PDZD2: variants seen among roughly 807,000 people sequenced by gnomAD.
The protein encoded by PDZD2 is PDZ domain containing 2, also known as PDZ domain-containing protein 2.
Under a neutral mutation model 220.7 loss-of-function variants are expected in PDZD2, and 90 were observed. The ratio of observed to expected loss-of-function variants is 0.41; its 90% confidence interval spans 0.34 to 0.49. The LOEUF is 0.49. Ranked by LOEUF, PDZD2 falls within the 20% of genes least tolerant of loss-of-function variation. PDZD2 has a pLI of 0.28. For synonymous variants in PDZD2, 1,375 were observed against 1,450.5 expected (o/e 0.95, Z 1.18); for missense variants, 3,174 against 3,608.5 (o/e 0.88, Z 3.08).
In PDZD2 at chr5:32,057,967, C is replaced by A. The variant is rs1739250178; in HGVS notation, c.2064C>A (p.Ser688Arg). The A allele has an allele frequency of 6.2e-7, 1 of 1,613,902 alleles. No individual in the cohort carries two copies. Among genetic ancestry groups the A allele is most frequent in the Non-Finnish European group, 8.5e-7 (1 of 1,179,812 alleles). The change falls in exon 12 of 25, where the codon AGC becomes AGA. Residue 688 changes from serine to arginine, a missense_variant. By Grantham distance (110) the Ser-to-Arg change is moderately radical. Transcript: ENST00000438447. The part of the protein sequence containing the change: ...LTPCSTPTHM[S>R]RSASPNFNTS... ...CCTGCTCGACACCCACACACATGAG[C>A]AGATCCGCCTCCCCGAACTTCAATA... is the stretch of plus-strand genomic sequence containing the variant.
Position 32,000,916 on chromosome 5 carries a change from G to A in PDZD2, c.1254+645G>A, listed in dbSNP as rs1166959361. On this transcript the variant is annotated intron_variant, in intron 5 of 24. Coordinates refer to ENST00000438447, the MANE Select transcript of PDZD2 (RefSeq NM_178140.4). The surrounding 1 kb of genome is among the most constrained non-coding windows in gnomAD (Gnocchi z 4.5). ...TAGGAGCTGGGCTGCGCAGCAGTAG[G>A]TGAGTGGCCTGTGAGACAGCGTTAC... 6.6e-6 allele frequency among the ~76,000 whole-genome samples: 1 copy of A among 152,242 alleles called. No individual in the cohort carries two copies. Among genetic ancestry groups the A allele is most frequent in the Non-Finnish European group, 1.5e-5 (1 of 68,048 alleles).
chr5:31,666,359 G>A (rs1255434116), intron 1 of PDZD2, among the ~76,000 whole-genome samples: 3 of 152,162 alleles, frequency 2.0e-5, no homozygotes, highest in Non-Finnish European at 2.9e-5. Flanking sequence ...TTTTAAATAC[G>A]AGAAATGAGC....
intron 18 of PDZD2, among the ~76,000 whole-genome samples, chr5:32,076,959 G>C (rs1349552133): frequency 6.6e-6 from 1 of 152,212 alleles, no homozygotes; most frequent in African/African-American, 2.4e-5. Context: ...TGATTTAACT[G>C]TTAGTTTTAG....
At position 31,892,063 on chromosome 5, in the gene PDZD2, AC is replaced by A. The variant is rs1302291823; in HGVS notation, c.477-91090del. Reference sequence around the variant, plus strand: ...GTAGCTGTGACCACAGGTGTGCACCACCATGCCTGGCTAATTTTTTTTATTT... The same window carrying A: ...GTAGCTGTGACCACAGGTGTGCACCACATGCCTGGCTAATTTTTTTTATTT... On this transcript the variant is annotated intron_variant, in intron 2 of 24. Coordinates refer to ENST00000438447, the MANE Select transcript of PDZD2 (RefSeq NM_178140.4). 4.6e-5 allele frequency among the ~76,000 whole-genome samples: 7 copies of A among 152,120 alleles called. No homozygotes were observed. The East Asian group carries it at 1.2e-3, about 25-fold the overall frequency.
chr5:31,705,071 G>C (rs1369692956), intron 1 of PDZD2, among the ~76,000 whole-genome samples: 1 of 152,122 alleles, frequency 6.6e-6, no homozygotes, highest in Admixed American at 6.6e-5. Flanking sequence ...TGAGGCAGGA[G>C]AATCAGTGGA....
chr5:31,760,702 G>A (rs62350703), intron 1 of PDZD2, among the ~76,000 whole-genome samples: 6,229 of 152,090 alleles, frequency 0.041, 151 homozygotes, highest in Middle Eastern at 0.071. Flanking sequence ...CGGGCGGATC[G>A]CTTGAAACCA....
intron 5 of PDZD2, among the ~76,000 whole-genome samples, chr5:32,003,057 C>T (rs1752394296): frequency 1.6e-5 from 2 of 125,520 alleles, no homozygotes; most frequent in African/African-American, 8.5e-5. Context: ...ACACACACCA[C>T]ACACACATCA....
chr5:32,053,956 T>A, intron 10 of PDZD2, 73 bp downstream of exon 10: 1 of 866,902 alleles, frequency 1.2e-6, no homozygotes, highest in East Asian at 2.4e-5. Flanking sequence ...TCACAAGATG[T>A]GAGTGAATGC....
In PDZD2 at chr5:31,983,261, T is replaced by G; in HGVS notation, c.583T>G (p.Ser195Ala). The change falls in exon 3 of 25, where the codon TCT becomes GCT. Residue 195 changes from serine to alanine, a missense_variant. By Grantham distance (99) the Ser-to-Ala change is moderately conservative. Around this residue, in one of 4 missense-constraint regions of PDZD2, gnomAD observed 632 missense variants for 708.1 expected, o/e 0.89. Coordinates refer to ENST00000438447, the MANE Select transcript of PDZD2 (RefSeq NM_178140.4). ...STYNGNSSNS[S>A]EPGETPTLEL... ...TTATAATGGCAACAGTAGCAACAGCTCTGAACCAGGAGAAACACCTACCTT... is the reference window on the plus strand; with the variant it reads ...TTATAATGGCAACAGTAGCAACAGCGCTGAACCAGGAGAAACACCTACCTT... The G allele has an allele frequency of 6.2e-7, 1 of 1,614,142 alleles. No individual in the cohort carries two copies. Among genetic ancestry groups the G allele is most frequent in the Non-Finnish European group, 8.5e-7 (1 of 1,180,030 alleles).
intron 1 of PDZD2, among the ~76,000 whole-genome samples, chr5:31,786,292 G>A (rs1430274192): frequency 2.0e-5 from 3 of 152,152 alleles, no homozygotes; most frequent in Admixed American, 1.3e-4. Context: ...CTCAGTCTCC[G>A]CACAGTTTAG....
At chr5:31,657,511 T>A (rs1300178224) in intron 1 of PDZD2, 2 of 152,200 alleles carry the variant, frequency 1.3e-5, no homozygotes, top group African/African-American at 4.8e-5. Context: ...CACAGTGACC[T>A]CATTTCACAC....
chr5:31,954,377 T>C (rs1747470294), intron 2 of PDZD2, among the ~76,000 whole-genome samples: 1 of 152,338 alleles, frequency 6.6e-6, no homozygotes, highest in Non-Finnish European at 1.5e-5. Context: ...TTAGAAAATG[T>C]GTCTCCATGT....
rs189701677 is a variant in PDZD2 at position 31,850,872 on chromosome 5, G to A, written c.476+51148G>A. 2.7e-3 allele frequency among the ~76,000 whole-genome samples: 404 copies of A among 152,070 alleles called. 2 individuals are homozygous for A. The highest frequency in any genetic ancestry group is 9.3e-3 in the African/African-American group (386 of 41,454). On this transcript the variant is annotated intron_variant, in intron 2 of 24. Coordinates refer to ENST00000438447, the MANE Select transcript of PDZD2 (RefSeq NM_178140.4). ...AGGATGGTCTTGATCTCCTGACCTC[G>A]TGTTCCACCCGCCTTGGTCTTCCAA...
At chr5:31,834,655 G>GAA (rs1370261017) in intron 2 of PDZD2, among the ~76,000 whole-genome samples, 1 of 125,092 alleles carries the variant, frequency 8.0e-6, no homozygotes, top group Non-Finnish European at 1.6e-5. Flanking sequence ...GCTTGTGGAG[G>GAA]AAAAAAAAAA....
At chr5:31,685,296 A>T (rs1746807712) in intron 1 of PDZD2, among the ~76,000 whole-genome samples, 1 of 152,308 alleles carries the variant, frequency 6.6e-6, no homozygotes, top group East Asian at 1.9e-4. Context: ...AGTAAAAAAA[A>T]AATCATTGAA....
chr5:31,837,943 C>G (rs185997069), intron 2 of PDZD2, among the ~76,000 whole-genome samples: 5 of 152,098 alleles, frequency 3.3e-5, no homozygotes, highest in East Asian at 3.9e-4. Flanking sequence ...CTAAGATGAA[C>G]AGCTAAAAAA....
chr5:31,968,603 C>T (rs766743941), intron 2 of PDZD2, among the ~76,000 whole-genome samples: 1 of 152,122 alleles, frequency 6.6e-6, no homozygotes, highest in South Asian at 2.1e-4. Context: ...TGGGGTGAGC[C>T]GAGATTGCAC....
chr5:31,689,813 A>C (rs1747046753), intron 1 of PDZD2, among the ~76,000 whole-genome samples: 1 of 151,984 alleles, frequency 6.6e-6, no homozygotes, highest in Admixed American at 6.6e-5. Flanking sequence ...GTTTCCCATA[A>C]TTTCTGTTCA....
At chr5:31,711,709 G>A (rs1748115781) in intron 1 of PDZD2, among the ~76,000 whole-genome samples, 1 of 152,168 alleles carries the variant, frequency 6.6e-6, no homozygotes, top group Non-Finnish European at 1.5e-5. Flanking sequence ...AACCTGTGAA[G>A]TGTAGGGCCA....
Sources: allele counts gnomAD v4.1 joint callset (sites outside exome capture counted in the v4.1 genomes callset), GRCh38; gene constraint gnomAD v4.1.1; regional missense constraint gnomAD v4.1.1; non-coding constraint Gnocchi (gnomAD v3.1); transcripts MANE v1.5; gene names NCBI Gene and HGNC (gene_info 2026-07-23, HGNC 2026-07-21).